The following ENTREP1 variants were observed in gnomAD, a reference collection of about 807,000 sequenced individuals.
The protein encoded by ENTREP1 is endosomal transmembrane epsin interactor 1, also known as Friedreich ataxia region gene X123.
At chr9:69,391,905 T>C in the ENTREP1 span, 1 of 1,179,218 alleles carries the variant, frequency 8.5e-7, no homozygotes, top group Non-Finnish European at 1.2e-6. Flanking sequence ...AGGAGCACTC[T>C]GGAGGACACG....
the ENTREP1 span, chr9:69,377,587 C>T: frequency 6.2e-7 from 1 of 1,612,832 alleles, no homozygotes; most frequent in South Asian, 1.1e-5. Context: ...AGGCTGTTGA[C>T]TAACTGAGCT....
chr9:69,325,420 G>T, the ENTREP1 span: 1 of 997,840 alleles, frequency 1.0e-6, no homozygotes, highest in Non-Finnish European at 1.2e-6. Context: ...AGGAGCCGCC[G>T]CTGCCCCCGC....
At chr9:69,359,092 G>A in the ENTREP1 span, among the ~76,000 whole-genome samples, 2 of 151,822 alleles carry the variant, frequency 1.3e-5, no homozygotes, top group Middle Eastern at 3.2e-3. Flanking sequence ...TTTTAGTAGA[G>A]ACGGGGTTTC....
At chr9:69,346,998 G>A in the ENTREP1 span, among the ~76,000 whole-genome samples, 16 of 152,198 alleles carry the variant, frequency 1.1e-4, no homozygotes, top group South Asian at 2.1e-4. Context: ...TGACGGGACC[G>A]TTGTCGGCTA....
chr9:69,363,126 C>T, the ENTREP1 span, among the ~76,000 whole-genome samples: 2 of 152,192 alleles, frequency 1.3e-5, no homozygotes, highest in South Asian at 2.1e-4. Context: ...TTGCTTCTTA[C>T]TCATGAAGAC....
chr9:69,345,334 A>C, the ENTREP1 span, among the ~76,000 whole-genome samples: 1 of 152,232 alleles, frequency 6.6e-6, no homozygotes, highest in African/African-American at 2.4e-5. Flanking sequence ...CTGCACATTG[A>C]TGGAGAAGAA....
At chr9:69,334,298 T>C in the ENTREP1 span, among the ~76,000 whole-genome samples, 1 of 152,228 alleles carries the variant, frequency 6.6e-6, no homozygotes, top group Non-Finnish European at 1.5e-5. Flanking sequence ...AGGCAGCTAG[T>C]AGTACCTTTA....
chr9:69,391,281 C>G, the ENTREP1 span, among the ~76,000 whole-genome samples: 4 of 152,198 alleles, frequency 2.6e-5, no homozygotes, highest in Middle Eastern at 3.2e-3. Context: ...TAGTAATGTT[C>G]AGATGCCAGC....
chr9:69,371,722 A>G, the ENTREP1 span: 1 of 747,538 alleles, frequency 1.3e-6, no homozygotes, highest in Non-Finnish European at 2.4e-6. Flanking sequence ...TGAAACCTGA[A>G]ATGGGTAAAG....
At chr9:69,387,825 A>G in the ENTREP1 span, 1 of 1,161,572 alleles carries the variant, frequency 8.6e-7, no homozygotes, top group Non-Finnish European at 1.1e-6. Flanking sequence ...TGCTTGGCCC[A>G]TCCATCCCCA....
chr9:69,325,538 C>T, the ENTREP1 span: 27 of 1,130,846 alleles, frequency 2.4e-5, no homozygotes, highest in Admixed American at 4.9e-5. Context: ...CTCCTCCCGC[C>T]GGGCAGTCGC....
At chr9:69,332,454 A>G in the ENTREP1 span, among the ~76,000 whole-genome samples, 268 of 152,354 alleles carry the variant, frequency 1.8e-3, no homozygotes, top group African/African-American at 6.0e-3. Context: ...TAGACTTGGT[A>G]TATGCCTTGA....
the ENTREP1 span, chr9:69,386,017 G>T: frequency 6.8e-7 from 1 of 1,472,898 alleles, no homozygotes; most frequent in African/African-American, 1.4e-5. Context: ...GTGAAGGCAG[G>T]TGGCTCTGGC....
chr9:69,365,640 C>A, the ENTREP1 span, among the ~76,000 whole-genome samples: 2 of 152,180 alleles, frequency 1.3e-5, no homozygotes, highest in South Asian at 4.2e-4. Flanking sequence ...TGTTTGTATC[C>A]ATTAACCAAC....
chr9:69,388,061 C>T, the ENTREP1 span: 2 of 1,605,750 alleles, frequency 1.2e-6, no homozygotes, highest in African/African-American at 2.7e-5. Flanking sequence ...TTGTCAGATG[C>T]TTTCCATGTT....
the ENTREP1 span, chr9:69,381,532 A>T: frequency 6.6e-6 from 1 of 152,246 alleles, no homozygotes; most frequent in Non-Finnish European, 1.5e-5. Context: ...CAATGAGAGC[A>T]GAATTTCTAA....
the ENTREP1 span, chr9:69,371,708 G>T: frequency 1.2e-6 from 1 of 810,926 alleles, no homozygotes; most frequent in East Asian, 2.4e-5. Flanking sequence ...CAACTGTCCT[G>T]AAGTGAAACC....
At chr9:69,387,898 C>T in the ENTREP1 span, 2 of 1,411,632 alleles carry the variant, frequency 1.4e-6, no homozygotes, top group Non-Finnish European at 1.9e-6. Flanking sequence ...TTCTCCTCTC[C>T]ACCATCTGGC....
chr9:69,326,706 T>C, the ENTREP1 span, among the ~76,000 whole-genome samples: 1 of 151,884 alleles, frequency 6.6e-6, no homozygotes, highest in Admixed American at 6.5e-5. Context: ...AAATAACCTC[T>C]CTTTATATCT....
Sources: allele counts gnomAD v4.1 joint callset (sites outside exome capture counted in the v4.1 genomes callset), GRCh38; gene constraint gnomAD v4.1.1; transcripts MANE v1.5; gene names NCBI Gene and HGNC (gene_info 2026-07-23, HGNC 2026-07-21).